Variants in COL5A2 observed in about 807,000 individuals in gnomAD.
COL5A2 encodes collagen type V alpha 2 chain.
Under a neutral mutation model 208.2 loss-of-function variants are expected in COL5A2, and 23 were observed. The ratio of observed to expected loss-of-function variants is 0.11; its 90% CI spans 0.08 to 0.16. The LOEUF is 0.16. Ranked by LOEUF, COL5A2 falls within the 10% of genes least tolerant of loss-of-function variation. COL5A2 has a pLI of 1.00. For missense variants in COL5A2, 1,590 were observed against 1,956.4 expected (o/e 0.81, Z 3.53); for synonymous variants, 625 against 628.5 (o/e 0.99, Z 0.08).
At chr2:189,321,611 G>C in the COL5A2 span, among the ~76,000 whole-genome samples, 1 of 152,124 alleles carries the variant, frequency 6.6e-6, no homozygotes, top group Non-Finnish European at 1.5e-5. Flanking sequence ...AACAAGAAGA[G>C]CTAACTATCC....
At chr2:189,432,174 C>A in the COL5A2 span, among the ~76,000 whole-genome samples, 1 of 152,102 alleles carries the variant, frequency 6.6e-6, no homozygotes, top group African/African-American at 2.4e-5. Flanking sequence ...ACCAGGCCTG[C>A]CCTACAAAGC....
At chr2:189,279,623 G>A in the COL5A2 span, among the ~76,000 whole-genome samples, 2 of 151,064 alleles carry the variant, frequency 1.3e-5, no homozygotes, top group African/African-American at 4.9e-5. Flanking sequence ...AAATTTAAAA[G>A]TTAAAGATGT....
chr2:189,303,921 A>G, the COL5A2 span, among the ~76,000 whole-genome samples: 1 of 152,116 alleles, frequency 6.6e-6, no homozygotes, highest in Admixed American at 6.6e-5. Context: ...TCTTTGCTCA[A>G]TAAAACTCCT....
At chr2:189,219,735 C>T (rs1239397115) in intron 1 of COL5A2, among the ~76,000 whole-genome samples, 1 of 152,068 alleles carries the variant, frequency 6.6e-6, no homozygotes, top group East Asian at 1.9e-4. Context: ...GAAAAGTAAG[C>T]AACTTGCTTG....
intron 1 of COL5A2, among the ~76,000 whole-genome samples, chr2:189,151,257 G>A (rs1353131548): frequency 6.6e-6 from 1 of 152,002 alleles, no homozygotes; most frequent in African/African-American, 2.4e-5. Context: ...ATTCTTACCT[G>A]GATATACATC....
chr2:189,409,813 G>A, the COL5A2 span, among the ~76,000 whole-genome samples: 1 of 152,086 alleles, frequency 6.6e-6, no homozygotes, highest in Non-Finnish European at 1.5e-5. Context: ...AAGCAGACTT[G>A]AAAACCTAAA....
chr2:189,250,925 A>T, the COL5A2 span, among the ~76,000 whole-genome samples: 1 of 152,170 alleles, frequency 6.6e-6, no homozygotes, highest in Admixed American at 6.5e-5. Flanking sequence ...GTCAGAGACT[A>T]AAAAGGAATC....
chr2:189,111,268 G>C (rs1275272154), intron 1 of COL5A2, among the ~76,000 whole-genome samples: 1 of 152,060 alleles, frequency 6.6e-6, no homozygotes, highest in African/African-American at 2.4e-5. Flanking sequence ...CTCAAGAGCA[G>C]TTCTATTATA....
chr2:189,071,056 GTTTGTTTC>G (rs2105611014), intron 18 of COL5A2, among the ~76,000 whole-genome samples: 1 of 152,248 alleles, frequency 6.6e-6, no homozygotes, highest in South Asian at 2.1e-4. Context: ...TTTTCTTCTG[GTTTGTTTC>G]TAAGTTTAAA....
chr2:189,132,044 A>G (rs1212758172), intron 1 of COL5A2, among the ~76,000 whole-genome samples: 1 of 152,212 alleles, frequency 6.6e-6, no homozygotes, highest in Non-Finnish European at 1.5e-5. Context: ...ACTGAGGTTC[A>G]TATTTTGATT....
At chr2:189,407,535 T>G in the COL5A2 span, among the ~76,000 whole-genome samples, 7 of 152,270 alleles carry the variant, frequency 4.6e-5, no homozygotes, top group African/African-American at 1.4e-4. Flanking sequence ...TGTGACCAAT[T>G]TAATGTTTTA....
the COL5A2 span, among the ~76,000 whole-genome samples, chr2:189,335,662 C>T: frequency 6.6e-6 from 1 of 151,980 alleles, no homozygotes; most frequent in Non-Finnish European, 1.5e-5. Flanking sequence ...CTACAAAAGG[C>T]CACAGATTGT....
chr2:189,293,794 C>G, the COL5A2 span, among the ~76,000 whole-genome samples: 1 of 152,108 alleles, frequency 6.6e-6, no homozygotes, highest in East Asian at 1.9e-4. Flanking sequence ...TGATTAAAAG[C>G]AACCCAGAGG....
chr2:189,063,644 T>C (rs1391987786), intron 26 of COL5A2, among the ~76,000 whole-genome samples: 2 of 152,314 alleles, frequency 1.3e-5, no homozygotes, highest in South Asian at 2.1e-4. Flanking sequence ...TCATACCTAC[T>C]TATCTCTTAA....
chr2:189,120,617 C>T (rs1687480975), intron 1 of COL5A2, among the ~76,000 whole-genome samples: 1 of 152,160 alleles, frequency 6.6e-6, no homozygotes, highest in South Asian at 2.1e-4. Context: ...TCTATTGATT[C>T]TCCTTTGGTG....
In COL5A2 at chr2:189,058,556, C is replaced by G. The variant is rs79938750; in HGVS notation, c.2131-29G>C. On this transcript the variant is annotated intron_variant, in intron 32 of 53. Transcript: ENST00000374866. The stretch of plus-strand genomic sequence containing the variant: ...GCACAAAATTGGGATGTCAAATAAT[C>G]TCAATACTTGATCTAAAAATAGGTC... 1.7e-3 allele frequency: 2,593 copies of G among 1,568,920 alleles called. 30 individuals are homozygous for G. In the African/African-American group the frequency reaches 0.025, roughly 15 times the overall value.
chr2:189,291,867 A>G, the COL5A2 span, among the ~76,000 whole-genome samples: 12 of 152,058 alleles, frequency 7.9e-5, no homozygotes, highest in Admixed American at 6.6e-4. Context: ...CTGAAAATGT[A>G]TTAATTTAGC....
the COL5A2 span, among the ~76,000 whole-genome samples, chr2:189,256,349 T>A: frequency 1.3e-5 from 2 of 152,308 alleles, no homozygotes; most frequent in South Asian, 4.1e-4. Context: ...GCTATTTTCT[T>A]CCTGGTAGAA....
At chr2:189,338,930 TA>T in the COL5A2 span, among the ~76,000 whole-genome samples, 2 of 151,878 alleles carry the variant, frequency 1.3e-5, no homozygotes, top group Non-Finnish European at 2.9e-5. Flanking sequence ...TTGCTATCTT[TA>T]AAAAAAATTT....
Sources: allele counts gnomAD v4.1 joint callset (sites outside exome capture counted in the v4.1 genomes callset), GRCh38; gene constraint gnomAD v4.1.1; transcripts MANE v1.5; gene names NCBI Gene and HGNC (gene_info 2026-07-23, HGNC 2026-07-21).